TBX15: variants seen among roughly 807,000 people sequenced by gnomAD.
The protein encoded by TBX15 is T-box transcription factor 15.
TBX15 carries 18 observed loss-of-function variants against 53.9 expected under a neutral mutation model. The ratio of observed to expected loss-of-function variants is 0.33; its 90% CI spans 0.23 to 0.49. The LOEUF is 0.49. Ranked by LOEUF, TBX15 falls within the 20% of genes least tolerant of loss-of-function variation. The probability of loss-of-function intolerance (pLI) is 0.98; values close to 1 mark genes in which losing one functional copy is unlikely to be tolerated. For synonymous variants in TBX15, 295 were observed against 278.0 expected (o/e 1.06, Z -0.61); for missense variants, 692 against 749.5 (o/e 0.92, Z 0.90).
intron 1 of TBX15, among the ~76,000 whole-genome samples, chr1:118,961,802 G>A (rs1211031172): frequency 6.6e-6 from 1 of 152,096 alleles, no homozygotes; most frequent in Non-Finnish European, 1.5e-5. Flanking sequence ...AGCTCTGAGG[G>A]GAATGCAAAG....
intron 2 of TBX15, among the ~76,000 whole-genome samples, chr1:118,929,255 G>A (rs1422695659): frequency 6.6e-6 from 1 of 152,202 alleles, no homozygotes; most frequent in African/African-American, 2.4e-5. Flanking sequence ...GGTGTGGAAG[G>A]AGGTAGATGG....
At position 118,884,147 on chromosome 1, in the gene TBX15, T is replaced by G. The variant is rs1653832875; in HGVS notation, c.*585A>C. 6.3e-6 allele frequency: 1 copy of G among 157,760 alleles called. No homozygotes were observed. Among genetic ancestry groups the G allele is most frequent in the Non-Finnish European group, 1.4e-5 (1 of 71,190 alleles). 9.8% of individuals were successfully genotyped at this position (157,760 alleles called of 1,614,324 possible). A position where few individuals can be genotyped will look rare whatever the true frequency, so the allele number is the denominator to read the frequency against. ...GAGGGTCTCCAGGATACATGGTTCA[T>G]TCCAGAAGCAGAGGAAGCTGCAGGG... On this transcript the variant is annotated 3_prime_UTR_variant, in exon 8 of 8. Transcript: ENST00000369429.
intron 1 of TBX15, among the ~76,000 whole-genome samples, chr1:118,953,937 C>CTAAGT (rs1656600284): frequency 6.6e-6 from 1 of 152,162 alleles, no homozygotes; most frequent in African/African-American, 2.4e-5. Flanking sequence ...CCTTTGCCTA[C>CTAAGT]CCTTCTAAGT....
In TBX15 at chr1:118,987,930, G is replaced by T. The variant is rs970874562; in HGVS notation, c.-135C>A. The T allele has an allele frequency of 1.8e-6, 2 of 1,115,068 alleles. No individual in the cohort carries two copies. The highest frequency in any genetic ancestry group is 1.3e-6 in the Non-Finnish European group (1 of 792,760). 69.1% of individuals were successfully genotyped at this position (1,115,068 alleles called of 1,614,324 possible). A position where few individuals can be genotyped will look rare whatever the true frequency, so the allele number is the denominator to read the frequency against. ...TCGGACGAGGCTGAGACTGCGGCTCGCGGGTCTCTCCACCCTCCCCCTGCG... is the reference window on the plus strand; with the variant it reads ...TCGGACGAGGCTGAGACTGCGGCTCTCGGGTCTCTCCACCCTCCCCCTGCG... On this transcript the variant is annotated 5_prime_UTR_variant, in exon 1 of 8. Coordinates refer to ENST00000369429, the MANE Select transcript of TBX15 (RefSeq NM_001330677.2).
At chr1:118,908,357 A>G (rs1358622825) in intron 6 of TBX15, among the ~76,000 whole-genome samples, 2 of 149,786 alleles carry the variant, frequency 1.3e-5, no homozygotes, top group African/African-American at 4.9e-5. Context: ...GGCAGAGCCC[A>G]GGAACACAGA....
rs567664654 is a variant in TBX15, at chr1:118,983,719, C to T, written c.205+3872G>A. On this transcript the variant is annotated intron_variant, in intron 1 of 7. Coordinates refer to ENST00000369429, the MANE Select transcript of TBX15 (RefSeq NM_001330677.2). ...GCCAGCACCAGTGCAGGGGCGTGCACGGCAGAGACAAACCAAGGTTCCTTG... is the reference window on the plus strand; with the variant it reads ...GCCAGCACCAGTGCAGGGGCGTGCATGGCAGAGACAAACCAAGGTTCCTTG... Among the ~76,000 whole-genome samples, 33 of 152,310 alleles carry T rather than the reference C, an allele frequency of 2.2e-4. 1 individual carries two copies. The highest frequency in any genetic ancestry group is 7.7e-4 in the African/African-American group (32 of 41,576).
chr1:118,890,426 T>TTCTGTAGCA (rs1654099297), intron 7 of TBX15, among the ~76,000 whole-genome samples: 1 of 152,038 alleles, frequency 6.6e-6, no homozygotes, highest in African/African-American at 2.4e-5. Flanking sequence ...CTTTCAGGAG[T>TTCTGTAGCA]TCTGTAGCAT....
At chr1:118,960,123 G>T (rs1348546852) in intron 1 of TBX15, among the ~76,000 whole-genome samples, 2 of 152,082 alleles carry the variant, frequency 1.3e-5, no homozygotes, top group African/African-American at 4.8e-5. Context: ...AAGAATGTCT[G>T]GCAGGAGCCT....
intron 5 of TBX15, among the ~76,000 whole-genome samples, chr1:118,922,699 C>G (rs919010321): frequency 2.0e-5 from 3 of 152,172 alleles, no homozygotes; most frequent in African/African-American, 7.2e-5. Context: ...TGCTAGAACA[C>G]TGTCTATAAA....
intron 1 of TBX15, among the ~76,000 whole-genome samples, chr1:118,940,869 G>A (rs760540628): frequency 6.6e-6 from 1 of 151,848 alleles, no homozygotes; most frequent in African/African-American, 2.4e-5. Context: ...TATTCGTGAT[G>A]AACACACAGA....
chr1:118,886,855 A>G (rs1206752588), intron 7 of TBX15, among the ~76,000 whole-genome samples: 1 of 152,178 alleles, frequency 6.6e-6, no homozygotes, highest in Admixed American at 6.5e-5. Flanking sequence ...GATTCCTTTC[A>G]TTTCCAAAAG....
In TBX15 at chr1:118,884,961, C is replaced by G. The variant is rs2101419245; in HGVS notation, c.1580G>C (p.Arg527Thr). 6.2e-7 allele frequency: 1 copy of G among 1,614,082 alleles called. No homozygotes were observed. The highest frequency in any genetic ancestry group is 8.5e-7 in the Non-Finnish European group (1 of 1,180,030). The change falls in exon 8 of 8, where the codon AGG becomes ACG. Residue 527 changes from arginine to threonine, a missense_variant. By Grantham distance (71) the Arg-to-Thr change is moderately conservative. Coordinates refer to ENST00000369429, the MANE Select transcript of TBX15 (RefSeq NM_001330677.2). ...LYGYNFPTSP[R>T]LAASPEKLSA... Reference sequence around the variant, plus strand: ...CAGTTTTTCCGGGCTTGCAGCTAGCCTAGGGGAAGTGGGGAAATTGTATCC... The same window carrying G: ...CAGTTTTTCCGGGCTTGCAGCTAGCGTAGGGGAAGTGGGGAAATTGTATCC...
chr1:118,940,347 A>T (rs1248300860), intron 1 of TBX15, among the ~76,000 whole-genome samples: 1 of 151,904 alleles, frequency 6.6e-6, no homozygotes, highest in Non-Finnish European at 1.5e-5. Flanking sequence ...TCCTATCCCC[A>T]ATCCAACCTA....
chr1:118,935,632 T>C (rs560325149), intron 1 of TBX15, among the ~76,000 whole-genome samples: 3 of 152,226 alleles, frequency 2.0e-5, no homozygotes, highest in African/African-American at 7.2e-5. Context: ...AAGCAACATA[T>C]CTATTCTCAT....
chr1:118,932,416 G>C (rs1281858819), intron 1 of TBX15, among the ~76,000 whole-genome samples: 1 of 152,070 alleles, frequency 6.6e-6, no homozygotes, highest in African/African-American at 2.4e-5. Flanking sequence ...TCATATATTT[G>C]AGTAAATGGT....
At chr1:118,897,685 G>A (rs958349067) in intron 7 of TBX15, among the ~76,000 whole-genome samples, 21 of 152,054 alleles carry the variant, frequency 1.4e-4, no homozygotes, top group Admixed American at 4.6e-4. Flanking sequence ...CATCAAAGAC[G>A]GGGGCCTAGA....
chr1:118,952,324 C>T (rs1004896027), intron 1 of TBX15, among the ~76,000 whole-genome samples: 8 of 152,038 alleles, frequency 5.3e-5, no homozygotes, highest in Admixed American at 5.2e-4. Flanking sequence ...TTGGGAAAAT[C>T]GGAAGTTATA....
At chr1:118,914,873 G>A (rs1655147825) in intron 5 of TBX15, among the ~76,000 whole-genome samples, 1 of 152,172 alleles carries the variant, frequency 6.6e-6, no homozygotes, top group African/African-American at 2.4e-5. Context: ...AAGCAAATCA[G>A]AAACAAAGAG....
At position 118,972,852 on chromosome 1, in the gene TBX15, G is replaced by A. The variant is rs148030255; in HGVS notation, c.205+14739C>T. ...TGACTTCAGATGATCCACCTGCCTC[G>A]GCCTCCCAAAGTGCTGGGATTACAG... On this transcript the variant is annotated intron_variant, in intron 1 of 7. Coordinates refer to ENST00000369429, the MANE Select transcript of TBX15 (RefSeq NM_001330677.2). Among the ~76,000 whole-genome samples, 837 of 152,128 alleles carry A rather than the reference G, an allele frequency of 5.5e-3. 4 individuals are homozygous for A. Among genetic ancestry groups the A allele is most frequent in the African/African-American group, 0.019 (802 of 41,478 alleles).
Sources: gnomAD v4.1 joint callset for allele counts (sites outside exome capture counted in the v4.1 genomes callset) on GRCh38, gnomAD v4.1.1 for gene constraint, MANE v1.5 for transcripts, NCBI Gene and HGNC (gene_info 2026-07-23, HGNC 2026-07-21) for gene names.